The following SLC12A8 variants were observed in gnomAD, a reference collection of about 807,000 sequenced individuals.
SLC12A8 encodes solute carrier family 12 member 8, also known as cation-chloride cotransporter 9.
SLC12A8 carries 69 observed loss-of-function variants against 75.6 expected under a neutral mutation model. The observed-to-expected ratio is 0.91, with a 90% CI of 0.75 to 1.11. The LOEUF is 1.11. Among genes scored for constraint, SLC12A8 ranks in the 50% most tolerant of loss-of-function variants. The pLI is 0.00. For missense variants in SLC12A8, 877 were observed against 896.7 expected (o/e 0.98, Z 0.28); for synonymous variants, 365 against 372.8 (o/e 0.98, Z 0.24).
At position 125,187,326 on chromosome 3, in the gene SLC12A8, T is replaced by C. The variant is rs934195592; in HGVS notation, c.301A>G (p.Ile101Val). ...ATGGAGTAGACGCCACCGCTGCCGA[T>C]GCTGCTGCGCTCCCCGACGCCAATG... ...SGIGVGERSS[I>V]GSGGVYSMIS... The change falls in exon 4 of 14, where the codon ATC becomes GTC. Residue 101 changes from isoleucine to valine, a missense_variant. By Grantham distance (29) the Ile-to-Val change is conservative. Transcript: ENST00000469902. 3.1e-6 allele frequency: 5 copies of C among 1,614,192 alleles called. No individual in the cohort carries two copies. Among genetic ancestry groups the C allele is most frequent in the African/African-American group, 1.3e-5 (1 of 75,046 alleles).
At chr3:125,148,534 G>T (rs1933842519) in intron 5 of SLC12A8, among the ~76,000 whole-genome samples, 1 of 152,050 alleles carries the variant, frequency 6.6e-6, no homozygotes, top group Admixed American at 6.5e-5. Context: ...TGGGTCCTTT[G>T]TATATTATTT....
intron 2 of SLC12A8, among the ~76,000 whole-genome samples, chr3:125,198,459 C>A (rs916660343): frequency 3.3e-5 from 5 of 151,958 alleles, no homozygotes; most frequent in Non-Finnish European, 7.4e-5. Flanking sequence ...ATGGTGAAAC[C>A]CCACCTCTAC....
At chr3:125,179,468 T>C (rs554404) in intron 4 of SLC12A8, among the ~76,000 whole-genome samples, 147,205 of 152,306 alleles carry the variant, frequency 0.97, 71,327 homozygotes, top group Middle Eastern at 1. Context: ...CCAGCCATTT[T>C]GTGTAAAGGC....
At position 125,084,030 on chromosome 3, in the gene SLC12A8, G is replaced by A; in HGVS notation, c.2005C>T (p.Gln669Ter). Residue 669 changes from glutamine (Q) to a stop codon, truncating the protein, a stop_gained, in exon 14 of 14, where the codon CAG becomes TAG. Transcript: ENST00000469902. LOFTEE classifies it high-confidence loss of function. ...GCCAGGGACGGCGCCAAGATGATCT[G>A]CTCCTGAGGGGACCGCAAGCTCCTG... ...SCRSLRSPQE[Q>*]IILAPSLAKV... is the part of the protein sequence containing the mutation. 1 of 1,612,498 alleles carries A rather than the reference G, an allele frequency of 6.2e-7. No homozygotes were observed. The highest frequency in any genetic ancestry group is 8.5e-7 in the Non-Finnish European group (1 of 1,179,378).
chr3:125,201,207 C>T (rs916386552), intron 2 of SLC12A8, among the ~76,000 whole-genome samples: 3 of 152,060 alleles, frequency 2.0e-5, no homozygotes, highest in African/African-American at 7.2e-5. Context: ...AGTTCATCAC[C>T]AGCCTGGGAA....
intron 2 of SLC12A8, among the ~76,000 whole-genome samples, chr3:125,206,480 GTTCTAT>G (rs2107805421): frequency 6.6e-6 from 1 of 152,282 alleles, no homozygotes; most frequent in African/African-American, 2.4e-5. Flanking sequence ...TGATTGTTTG[GTTCTAT>G]TTCTATCTAC....
intron 2 of SLC12A8, among the ~76,000 whole-genome samples, chr3:125,191,081 C>T (rs1016771509): frequency 4.6e-5 from 7 of 152,224 alleles, no homozygotes; most frequent in African/African-American, 1.7e-4. Flanking sequence ...GCCCTTCTAA[C>T]ACCTCTGCAA....
intron 2 of SLC12A8, among the ~76,000 whole-genome samples, chr3:125,195,999 C>G (rs750698822): frequency 2.0e-5 from 3 of 152,174 alleles, no homozygotes; most frequent in Admixed American, 2.0e-4. Flanking sequence ...TAATAACAGG[C>G]GAACCAGTGA....
chr3:125,153,204 C>G (rs995313860), intron 5 of SLC12A8, among the ~76,000 whole-genome samples: 3 of 152,206 alleles, frequency 2.0e-5, no homozygotes, highest in Non-Finnish European at 2.9e-5. Flanking sequence ...AAAGTGCAAC[C>G]GAGAGCCAAC....
intron 5 of SLC12A8, among the ~76,000 whole-genome samples, chr3:125,165,242 G>C (rs762013496): frequency 6.6e-6 from 1 of 152,194 alleles, no homozygotes; most frequent in Non-Finnish European, 1.5e-5. Flanking sequence ...GCCATTTCAC[G>C]CAAAAGAGTG....
Position 125,092,135 on chromosome 3 carries a change from G to A in SLC12A8, c.1769C>T (p.Thr590Ile), listed in dbSNP as rs774241689. The stretch of plus-strand genomic sequence containing the variant: ...GGAGACCCAGGGGTTGCACATGTGG[G>A]TATAGAAAGAAGTGGATCTTCTCCA... Reference protein sequence around the residue: ...DVWRRSTSFYTHMCNPWVSLL... With the variant: ...DVWRRSTSFYIHMCNPWVSLL... The change falls in exon 11 of 14, where the codon ACC becomes ATC. Residue 590 changes from threonine (T) to isoleucine (I), a missense_variant. Transcript: ENST00000469902. 11 of 1,612,828 alleles carry A rather than the reference G, an allele frequency of 6.8e-6. No individual in the cohort carries two copies. Among genetic ancestry groups the A allele is most frequent in the South Asian group, 1.1e-5 (1 of 91,040 alleles).
intron 11 of SLC12A8, 92 bp downstream of exon 11, chr3:125,092,009 C>T (rs1938591812): frequency 3.7e-6 from 3 of 818,394 alleles, no homozygotes; most frequent in Admixed American, 4.9e-5. Flanking sequence ...TAATTAGGCC[C>T]TCCATCTTTC....
At chr3:125,099,314 A>C (rs548131822) in intron 10 of SLC12A8, among the ~76,000 whole-genome samples, 2 of 152,364 alleles carry the variant, frequency 1.3e-5, no homozygotes, top group South Asian at 4.1e-4. Context: ...AATTTACTAA[A>C]ATAAACAAAA....
intron 2 of SLC12A8, 152 bp from the exon 3 acceptor site, chr3:125,190,673 G>GCACGCA: frequency 1.3e-6 from 1 of 783,900 alleles, no homozygotes; most frequent in Admixed American, 2.4e-5. Context: ...ATACACACAT[G>GCACGCA]CATGCACATA....
chr3:125,198,992 A>T (rs935090318), intron 2 of SLC12A8, among the ~76,000 whole-genome samples: 1 of 151,858 alleles, frequency 6.6e-6, no homozygotes, highest in South Asian at 2.1e-4. Flanking sequence ...GTTAGCCAGG[A>T]TGGTCTCGAT....
rs980547635 is a variant in SLC12A8, at chr3:125,113,024, G to T, written c.913-2689C>A. The stretch of plus-strand genomic sequence containing the variant: ...AATTTCACTGCTTCTTACCTAAAAG[G>T]TTATGTATATTTGAATTTTTACAAC... On this transcript the variant is annotated intron_variant, in intron 8 of 13. Coordinates refer to ENST00000469902, the MANE Select transcript of SLC12A8 (RefSeq NM_024628.6). Among the ~76,000 whole-genome samples the T allele has an allele frequency of 4.6e-5, 7 of 152,158 alleles. No individual in the cohort carries two copies. The South Asian group carries it at 1.2e-3, about 27-fold the overall frequency.
At chr3:125,166,063 A>T (rs1446819938) in intron 5 of SLC12A8, among the ~76,000 whole-genome samples, 1 of 152,106 alleles carries the variant, frequency 6.6e-6, no homozygotes, top group Non-Finnish European at 1.5e-5. Flanking sequence ...CTTCCAAACC[A>T]GCACAGGCTG....
chr3:125,174,663 C>T (rs183462967), intron 5 of SLC12A8, among the ~76,000 whole-genome samples: 10 of 152,122 alleles, frequency 6.6e-5, no homozygotes, highest in African/African-American at 2.2e-4. Context: ...AGTTATCAAG[C>T]CAGAAAAAGA....
chr3:125,110,915 A>G (rs1939172207), intron 8 of SLC12A8, among the ~76,000 whole-genome samples: 1 of 151,906 alleles, frequency 6.6e-6, no homozygotes, highest in Non-Finnish European at 1.5e-5. Context: ...TTAGCTCCAC[A>G]CCCTGCACAC....
Sources: allele counts gnomAD v4.1 joint callset (sites outside exome capture counted in the v4.1 genomes callset), GRCh38; gene constraint gnomAD v4.1.1; transcripts MANE v1.5; gene names NCBI Gene and HGNC (gene_info 2026-07-23, HGNC 2026-07-21).